NLGN1: variants seen among roughly 807,000 people sequenced by gnomAD.
The protein encoded by NLGN1 is neuroligin 1, also known as neuroligin-1.
NLGN1 carries 12 observed loss-of-function variants against 65.5 expected under a neutral mutation model. The observed-to-expected ratio is 0.18, with a 90% CI of 0.12 to 0.30. The LOEUF is 0.30. NLGN1 is among the 10% of genes least tolerant of loss of function. NLGN1 has a pLI of 1.00. For synonymous variants in NLGN1, 350 were observed against 359.5 expected, an observed-to-expected ratio of 0.97 and a Z score of 0.30; for missense variants, 750 against 1,007.1, an observed-to-expected ratio of 0.74 and a Z score of 3.46.
chr3:173,700,495 A>T (rs1286424097), intron 3 of NLGN1, among the ~76,000 whole-genome samples: 1 of 152,212 alleles, frequency 6.6e-6, no homozygotes, highest in Non-Finnish European at 1.5e-5. Context: ...AAAGCTGAAC[A>T]GTAGTGGTTT....
chr3:173,918,942 C>A (rs2152254727), intron 4 of NLGN1, among the ~76,000 whole-genome samples: 1 of 152,162 alleles, frequency 6.6e-6, no homozygotes, highest in East Asian at 1.9e-4. Context: ...TACCTGCATT[C>A]CTTGGCTAGT....
chr3:174,094,640 T>C (rs1745121145), intron 4 of NLGN1, among the ~76,000 whole-genome samples: 1 of 151,296 alleles, frequency 6.6e-6, no homozygotes, highest in African/African-American at 2.4e-5. Context: ...ATTTATTACA[T>C]ATTCTTTAGG....
chr3:174,133,187 TAC>T (rs1369310587), intron 4 of NLGN1, among the ~76,000 whole-genome samples: 2 of 152,176 alleles, frequency 1.3e-5, no homozygotes, highest in African/African-American at 4.8e-5. Context: ...TCAGTAACAT[TAC>T]AGTGTGTAGG....
At chr3:174,168,690 C>CAATG (rs1727981390) in intron 4 of NLGN1, among the ~76,000 whole-genome samples, 1 of 152,100 alleles carries the variant, frequency 6.6e-6, no homozygotes, top group Admixed American at 6.6e-5. Context: ...GACGACTGTA[C>CAATG]AATGGTCTGA....
At chr3:173,817,043 G>A (rs914172480) in intron 4 of NLGN1, among the ~76,000 whole-genome samples, 6 of 152,208 alleles carry the variant, frequency 3.9e-5, no homozygotes, top group African/African-American at 1.4e-4. Context: ...TATTTTATCA[G>A]AAAATATTTG....
At chr3:173,636,411 C>T (rs1053423812) in intron 3 of NLGN1, among the ~76,000 whole-genome samples, 3 of 152,102 alleles carry the variant, frequency 2.0e-5, no homozygotes, top group Non-Finnish European at 2.9e-5. Flanking sequence ...ATTAGGAAAC[C>T]GAGGTCCACA....
In NLGN1 at chr3:174,038,407, A is replaced by G. The variant is rs375110114; in HGVS notation, c.646+230575A>G. ...CATGCACCAGATTGACAAGGAGTCT[A>G]TGTCATTTGCCCTTCTTGTGATGTG... On this transcript the variant is annotated intron_variant, in intron 4 of 6. Transcript: ENST00000457714. 8.5e-4 allele frequency among the ~76,000 whole-genome samples: 129 copies of G among 152,254 alleles called. 6 individuals are homozygous for G. The South Asian group carries it at 0.023, about 28-fold the overall frequency.
At chr3:173,483,174 G>GT (rs1422330940) in intron 2 of NLGN1, among the ~76,000 whole-genome samples, 1 of 151,922 alleles carries the variant, frequency 6.6e-6, no homozygotes, top group Non-Finnish European at 1.5e-5. Context: ...TGTTGTTTAT[G>GT]TTTTTTCTTT....
intron 3 of NLGN1, among the ~76,000 whole-genome samples, chr3:173,665,243 T>G (rs1484897182): frequency 6.6e-6 from 1 of 152,114 alleles, no homozygotes; most frequent in Admixed American, 6.6e-5. Context: ...AGTGAGTTAG[T>G]TCTCATGAGA....
intron 4 of NLGN1, among the ~76,000 whole-genome samples, chr3:174,137,778 T>A (rs1449669267): frequency 6.6e-6 from 1 of 152,156 alleles, no homozygotes; most frequent in Non-Finnish European, 1.5e-5. Flanking sequence ...AAAACATAAA[T>A]CTGAAAAGGA....
At chr3:174,256,182 T>G (rs1410027612) in intron 4 of NLGN1, among the ~76,000 whole-genome samples, 1 of 152,150 alleles carries the variant, frequency 6.6e-6, no homozygotes, top group Admixed American at 6.6e-5. Flanking sequence ...ATTTATTCCA[T>G]GGAAATTAAG....
At chr3:173,837,073 C>T (rs1185975444) in intron 4 of NLGN1, among the ~76,000 whole-genome samples, 1 of 152,012 alleles carries the variant, frequency 6.6e-6, no homozygotes, top group African/African-American at 2.4e-5. Flanking sequence ...ACTTTCAGAT[C>T]CCTTTTACAT....
chr3:173,739,403 A>G (rs190044233), intron 3 of NLGN1, among the ~76,000 whole-genome samples: 6 of 152,220 alleles, frequency 3.9e-5, no homozygotes, highest in Admixed American at 3.9e-4. Context: ...AAGGCTACCA[A>G]TGAAAGGTCC....
chr3:173,565,463 C>T (rs920526937), intron 2 of NLGN1, among the ~76,000 whole-genome samples: 4 of 152,172 alleles, frequency 2.6e-5, no homozygotes, highest in Admixed American at 1.3e-4. Context: ...ATTTGGTCTA[C>T]TCCACTGTAG....
intron 4 of NLGN1, among the ~76,000 whole-genome samples, chr3:173,843,671 T>C (rs1725220722): frequency 6.6e-6 from 1 of 152,188 alleles, no homozygotes; most frequent in South Asian, 2.1e-4. Flanking sequence ...CTCATTTCCA[T>C]CTGAGACCAT....
At chr3:174,013,848 G>A (rs1335182628) in intron 4 of NLGN1, among the ~76,000 whole-genome samples, 1 of 152,062 alleles carries the variant, frequency 6.6e-6, no homozygotes. Flanking sequence ...CATGGAGCTG[G>A]GACCATAGGC....
intron 2 of NLGN1, among the ~76,000 whole-genome samples, chr3:173,508,826 G>T (rs2149087389): frequency 6.6e-6 from 1 of 152,308 alleles, no homozygotes; most frequent in Middle Eastern, 3.4e-3. Flanking sequence ...GGGCGAATAT[G>T]AGGGAGGCAG....
chr3:174,032,995 G>T (rs527387665), intron 4 of NLGN1, among the ~76,000 whole-genome samples: 48 of 151,746 alleles, frequency 3.2e-4, no homozygotes, highest in African/African-American at 1.1e-3. Flanking sequence ...TATAGATATA[G>T]ATCTATCTAT....
chr3:173,574,734 G>A (rs976531664), intron 2 of NLGN1, among the ~76,000 whole-genome samples: 1 of 152,120 alleles, frequency 6.6e-6, no homozygotes, highest in Non-Finnish European at 1.5e-5. Context: ...TAGAATGATT[G>A]TTCAACTTTT....
Sources: gnomAD v4.1 joint callset for allele counts (sites outside exome capture counted in the v4.1 genomes callset) on GRCh38, gnomAD v4.1.1 for gene constraint, MANE v1.5 for transcripts, NCBI Gene and HGNC (gene_info 2026-07-23, HGNC 2026-07-21) for gene names.